Variants in IVNS1ABP observed in about 807,000 individuals in gnomAD.
IVNS1ABP encodes the protein influenza virus NS1A binding protein, also known as influenza virus NS1A-binding protein.
Under a neutral mutation model 78.9 loss-of-function variants are expected in IVNS1ABP, and 25 were observed. The observed-to-expected ratio is 0.32, with a 90% CI of 0.23 to 0.44. IVNS1ABP has a LOEUF of 0.44. IVNS1ABP is among the 20% of genes least tolerant of loss of function. The pLI, the probability that IVNS1ABP is intolerant of heterozygous loss-of-function variation, is 1.00. For synonymous variants in IVNS1ABP, 241 were observed against 259.7 expected, an observed-to-expected ratio of 0.93 and a Z score of 0.69; for missense variants, 494 against 768.9, an observed-to-expected ratio of 0.64 and a Z score of 4.23.
At position 185,307,061 on chromosome 1, in the gene IVNS1ABP, G is replaced by C. The variant is rs745491726; in HGVS notation, c.610C>G (p.Arg204Gly). ...CTGTCTCCATTCTCCCAGATGCTAC[G>C]CTGCACCCAGTTGATTACCTTTGTA... ...LYTKVINWVQ[R>G]SIWENGDSLE... Residue 204 changes from arginine (R) to glycine (G), a missense_variant, in exon 7 of 15, where the codon CGT becomes GGT. Physicochemically the swap from Arg to Gly is moderately radical, Grantham distance 125 (BLOSUM62 -2). Transcript: ENST00000367498. 1.8e-5 allele frequency: 29 copies of C among 1,613,254 alleles called. No homozygotes were observed. Among genetic ancestry groups the C allele is most frequent in the Non-Finnish European group, 2.5e-5 (29 of 1,179,470 alleles).
rs537126044 is a variant in IVNS1ABP at position 185,316,928 on chromosome 1, C to G, written c.-247+25G>C. The G allele has an allele frequency of 1.6e-4, 64 of 398,376 alleles. 1 individual carries two copies. The highest frequency in any genetic ancestry group is 1.2e-3 in the African/African-American group (60 of 48,736). The allele number at this position is 398,376 out of a possible 1,614,324, so 24.7% of individuals were successfully genotyped here. A position where few individuals can be genotyped will look rare whatever the true frequency, so the allele number is the denominator to read the frequency against. On this transcript the variant is annotated intron_variant, in intron 1 of 14. Transcript: ENST00000367498. ...TAGCCGCGCCGTCTCCCTCATCTGT[C>G]GTTCGTAGAACCAGCGCGTATTACC...
At chr1:185,310,959 G>C (rs1490444655) in intron 2 of IVNS1ABP, 136 bp downstream of exon 2, 1 of 204,438 alleles carries the variant, frequency 4.9e-6, no homozygotes, top group African/African-American at 2.3e-5. Context: ...AGAAAAATAT[G>C]ATGTTTTTTA....
At position 185,296,741 on chromosome 1, in the gene IVNS1ABP, G is replaced by A. The variant is rs963291334; in HGVS notation, c.*1294C>T. On this transcript the variant is annotated 3_prime_UTR_variant, in exon 15 of 15. Coordinates refer to ENST00000367498, the MANE Select transcript of IVNS1ABP (RefSeq NM_006469.5). ...TAGGTTCCTGTGTGCTTCATCTTCT[G>A]TGAGAAAAAAAAACCTTATATCATT... The A allele has an allele frequency of 1.3e-5, 2 of 151,806 alleles. No individual in the cohort carries two copies. Among genetic ancestry groups the A allele is most frequent in the African/African-American group, 2.4e-5 (1 of 41,344 alleles). 9.4% of individuals were successfully genotyped at this position (151,806 alleles called of 1,614,324 possible). A position where few individuals can be genotyped will look rare whatever the true frequency, so the allele number is the denominator to read the frequency against.
rs776628575 is a variant in IVNS1ABP at position 185,307,613 on chromosome 1, G to A, written c.407C>T (p.Ser136Phe). 2 of 1,613,674 alleles carry A rather than the reference G, an allele frequency of 1.2e-6. No individual in the cohort carries two copies. Among genetic ancestry groups the A allele is most frequent in the Non-Finnish European group, 1.7e-6 (2 of 1,179,690 alleles). Reference protein sequence around the residue: ...LSRMDVTSCISYRNFASCMGD... With the variant: ...LSRMDVTSCIFYRNFASCMGD... The stretch of plus-strand genomic sequence containing the variant: ...CATACAACTTGCAAAATTTCGGTAA[G>A]AGATGCAGCTGGTAACATCCATTCT... Residue 136 changes from serine (S) to phenylalanine (F), a missense_variant, in exon 6 of 15, where the codon TCT (serine) becomes TTT (phenylalanine). Coordinates refer to ENST00000367498, the MANE Select transcript of IVNS1ABP (RefSeq NM_006469.5).
At chr1:185,299,576 T>G (rs1020269014) in intron 14 of IVNS1ABP, 134 bp downstream of exon 14, 7 of 791,024 alleles carry the variant, frequency 8.8e-6, no homozygotes, top group Non-Finnish European at 1.5e-5. Flanking sequence ...CACCCTAATC[T>G]CCATTGCATC....
chr1:185,300,967 C>T lies in IVNS1ABP; in HGVS notation c.1120+5G>A. 1.2e-6 allele frequency: 2 copies of T among 1,611,858 alleles called. No homozygotes were observed. The highest frequency in any genetic ancestry group is 1.7e-6 in the Non-Finnish European group (2 of 1,178,400). ...GCTTAGCCAGTTGAATGCTTCTGTT[C>T]TTACCTGCAGCTATGAGTTTGCCAT... On this transcript the variant is annotated splice_donor_5th_base_variant and intron_variant, in intron 10 of 14. Transcript: ENST00000367498.
rs10174 is a variant in IVNS1ABP, at chr1:185,297,982, A to G, written c.*53T>C. The G allele has an allele frequency of 0.42, 654,679 of 1,569,168 alleles. 139,385 individuals carry two copies. Among genetic ancestry groups the G allele is most frequent in the African/African-American group, 0.59 (43,340 of 73,764 alleles). ...CCTCTTTATTCACAAGTGTACCTCT[A>G]CTAACCATAATTACATCACTAAGCC... is the stretch of plus-strand genomic sequence containing the variant. On this transcript the variant is annotated 3_prime_UTR_variant, in exon 15 of 15. Coordinates refer to ENST00000367498, the MANE Select transcript of IVNS1ABP (RefSeq NM_006469.5).
chr1:185,311,185 A>T lies in IVNS1ABP; in HGVS notation c.-109T>A. ...AAAGGTGCACTTCGTCAGGGTATGA[A>T]GACAGGTGGTTGAAATGAAGGCAGG... On this transcript the variant is annotated 5_prime_UTR_variant, in exon 2 of 15. Transcript: ENST00000367498. The T allele has an allele frequency of 5.1e-6, 2 of 390,814 alleles. No individual in the cohort carries two copies. The allele number at this position is 390,814 out of a possible 1,614,324, so 24.2% of individuals were successfully genotyped here. A position where few individuals can be genotyped will look rare whatever the true frequency, so the allele number is the denominator to read the frequency against.
At position 185,301,108 on chromosome 1, in the gene IVNS1ABP, T is replaced by C; in HGVS notation, c.984A>G (p.Thr328=). ...HGRNSPQSSP[T]STPKLSKSLS... ...AACTCTTACTTAGTTTTGGAGTACTTGTTGGTGAGCTCTGTGGGCTGTTTC... is the reference window on the plus strand; with the variant it reads ...AACTCTTACTTAGTTTTGGAGTACTCGTTGGTGAGCTCTGTGGGCTGTTTC... Residue 328 remains threonine, a synonymous_variant, in exon 10 of 15, where the codon ACA becomes ACG. Transcript: ENST00000367498. The C allele has an allele frequency of 6.2e-7, 1 of 1,613,542 alleles. No individual in the cohort carries two copies. Among genetic ancestry groups the C allele is most frequent in the African/African-American group, 1.3e-5 (1 of 75,010 alleles).
At chr1:185,301,766 G>T (rs74409584) in intron 8 of IVNS1ABP, 2 of 442,196 alleles carry the variant, frequency 4.5e-6, no homozygotes, top group Non-Finnish European at 8.0e-6. Flanking sequence ...AGACAACTAC[G>T]CCTACACAAT....
At position 185,317,000 on chromosome 1, in the gene IVNS1ABP, T is replaced by C. The variant is rs577504817; in HGVS notation, c.-294A>G. On this transcript the variant is annotated 5_prime_UTR_variant, in exon 1 of 15. Transcript: ENST00000367498. Reference sequence around the variant, plus strand: ...GAAACATTCATTTCTAGAGCTTCGATGGGAAGCAGGAGGAAGCGGGCGGGA... The same window carrying C: ...GAAACATTCATTTCTAGAGCTTCGACGGGAAGCAGGAGGAAGCGGGCGGGA... 299 of 398,258 alleles carry C rather than the reference T, an allele frequency of 7.5e-4. 3 individuals carry two copies. Among genetic ancestry groups the C allele is most frequent in the Middle Eastern group, 6.3e-3 (10 of 1,588 alleles). The allele number at this position is 398,258 out of a possible 1,614,324, so 24.7% of individuals were successfully genotyped here.
chr1:185,305,584 T>TAGGTTC lies in IVNS1ABP; in HGVS notation c.716_717insGAACCT (p.Gly239_Gln240insAsnLeu). On this transcript the variant is annotated inframe_insertion, in exon 8 of 15. Coordinates refer to ENST00000367498, the MANE Select transcript of IVNS1ABP (RefSeq NM_006469.5). The surrounding 1 kb of genome is among the most constrained non-coding windows in gnomAD (Gnocchi z 4.0). Reference sequence around the variant, plus strand: ...CATCACTGCCAAACACCTCAGCCTGTCCATCTAGTAGGTTCCCATCAAGCA... The same window carrying TAGGTTC: ...CATCACTGCCAAACACCTCAGCCTGTAGGTTCCCATCTAGTAGGTTCCCATCAAGCA... 1 of 1,613,402 alleles carries TAGGTTC rather than the reference T, an allele frequency of 6.2e-7. No homozygotes were observed. The highest frequency in any genetic ancestry group is 8.5e-7 in the Non-Finnish European group (1 of 1,179,576).
chr1:185,301,460 T>A lies in IVNS1ABP; in HGVS notation c.869A>T (p.Lys290Ile). The A allele has an allele frequency of 1.9e-6, 3 of 1,613,268 alleles. No homozygotes were observed. The highest frequency in any genetic ancestry group is 2.5e-6 in the Non-Finnish European group (3 of 1,179,434). The change falls in exon 9 of 15, where the codon AAA becomes ATA. Residue 290 changes from lysine (K) to isoleucine (I), a missense_variant. By Grantham distance (102) the Lys-to-Ile change is moderately radical. Coordinates refer to ENST00000367498, the MANE Select transcript of IVNS1ABP (RefSeq NM_006469.5). Reference protein sequence around the residue: ...ATVQSPKHEWKIVASEKTSNN... With the variant: ...ATVQSPKHEWIIVASEKTSNN... ...TGAAGTCTTTTCTGAAGCAACGATT[T>A]TCCACTCATGCTTAGGGCTTTGTAC...
intron 5 of IVNS1ABP, chr1:185,307,977 G>C (rs1665784100): frequency 2.6e-6 from 4 of 1,549,976 alleles, no homozygotes; most frequent in Non-Finnish European, 3.5e-6. Flanking sequence ...CTACAGGAGA[G>C]ATGATGTTGA....
chr1:185,302,323 A>T (rs1369868443), intron 8 of IVNS1ABP, among the ~76,000 whole-genome samples: 1 of 152,166 alleles, frequency 6.6e-6, no homozygotes, highest in Non-Finnish European at 1.5e-5. Context: ...CTCATGTATG[A>T]GTTTTCCTTG....
intron 7 of IVNS1ABP, chr1:185,306,435 T>C (rs772528058): frequency 6.8e-5 from 87 of 1,280,716 alleles, no homozygotes; most frequent in Admixed American, 1.4e-4. Flanking sequence ...AACAACACCA[T>C]TGAAAAACAC....
intron 1 of IVNS1ABP, among the ~76,000 whole-genome samples, chr1:185,316,498 C>A (rs1467165753): frequency 6.6e-6 from 1 of 152,160 alleles, no homozygotes; most frequent in East Asian, 1.9e-4. Flanking sequence ...AGAAGAGAAT[C>A]CCAAACCCCA....
chr1:185,300,610 C>T (rs1435831907), intron 10 of IVNS1ABP, 52 bp from the exon 11 acceptor site: 1 of 1,565,700 alleles, frequency 6.4e-7, no homozygotes, highest in Non-Finnish European at 8.7e-7. Flanking sequence ...TAAACTGGAC[C>T]ACGGTTTCCA....
chr1:185,304,877 C>T (rs755571756), intron 8 of IVNS1ABP, among the ~76,000 whole-genome samples: 1 of 152,054 alleles, frequency 6.6e-6, no homozygotes, highest in Non-Finnish European at 1.5e-5. Context: ...AAAATTTATA[C>T]TTGAGAAGTT....
Sources: gnomAD v4.1 joint callset for allele counts (sites outside exome capture counted in the v4.1 genomes callset) on GRCh38, gnomAD v4.1.1 for gene constraint, Gnocchi (gnomAD v3.1) non-coding constraint, MANE v1.5 for transcripts, NCBI Gene and HGNC (gene_info 2026-07-23, HGNC 2026-07-21) for gene names.